Variants in DLGAP1 observed in about 807,000 individuals in gnomAD.
DLGAP1 encodes DLG associated protein 1.
DLGAP1 carries 11 observed loss-of-function variants against 90.8 expected under a neutral mutation model. That is an observed-to-expected ratio of 0.12 (90% CI 0.08 to 0.20). DLGAP1 has a LOEUF of 0.20. Among genes scored for constraint, DLGAP1 ranks in the 10% least tolerant of loss-of-function variants. DLGAP1 has a pLI of 1.00. For synonymous variants in DLGAP1, 558 were observed against 540.7 expected (o/e 1.03, Z -0.44); for missense variants, 1,050 against 1,333.8 (o/e 0.79, Z 3.31).
chr18:4,305,085 G>A (rs1306398091), intron 1 of DLGAP1, among the ~76,000 whole-genome samples: 1 of 151,976 alleles, frequency 6.6e-6, no homozygotes, highest in African/African-American at 2.4e-5. Flanking sequence ...CAATATTTTT[G>A]TTCCTATCAT....
intron 8 of DLGAP1, chr18:3,571,432 C>G (rs1208150309): frequency 6.6e-6 from 1 of 152,004 alleles, no homozygotes; most frequent in Non-Finnish European, 1.5e-5. Flanking sequence ...CACTACAGCC[C>G]AAGACTCCTG....
chr18:3,980,849 A>G (rs1032765680), intron 3 of DLGAP1, among the ~76,000 whole-genome samples: 1 of 152,224 alleles, frequency 6.6e-6, no homozygotes, highest in African/African-American at 2.4e-5. Flanking sequence ...GCTAATTAAC[A>G]TATCTATTAC....
intron 1 of DLGAP1, among the ~76,000 whole-genome samples, chr18:4,443,805 G>A (rs1336389113): frequency 3.3e-5 from 5 of 152,168 alleles, no homozygotes; most frequent in African/African-American, 1.2e-4. Flanking sequence ...ATGAGAAAAA[G>A]CTTTCTGTCT....
intron 7 of DLGAP1, among the ~76,000 whole-genome samples, chr18:3,676,704 T>C (rs2060316155): frequency 6.7e-6 from 1 of 148,494 alleles, no homozygotes; most frequent in South Asian, 2.1e-4. Context: ...TTTTTTTTTT[T>C]AGAAGAAATT....
intron 3 of DLGAP1, chr18:3,977,827 C>T (rs1332398521): frequency 2.6e-6 from 1 of 389,992 alleles, no homozygotes. Flanking sequence ...CTCAGTGTAG[C>T]CCAGGATGCC....
chr18:3,912,389 A>G (rs558842852), intron 3 of DLGAP1, among the ~76,000 whole-genome samples: 1 of 152,210 alleles, frequency 6.6e-6, no homozygotes, highest in East Asian at 1.9e-4. Context: ...CTGACCTAAT[A>G]TGAGGCCTAG....
At chr18:3,529,583 G>A (rs1043915734) in intron 10 of DLGAP1, among the ~76,000 whole-genome samples, 1 of 152,120 alleles carries the variant, frequency 6.6e-6, no homozygotes, top group African/African-American at 2.4e-5. Flanking sequence ...CCTGTTATGC[G>A]TCAGAGGGTC....
chr18:3,791,500 T>A (rs967310905), intron 5 of DLGAP1, among the ~76,000 whole-genome samples: 2 of 149,506 alleles, frequency 1.3e-5, no homozygotes, highest in Non-Finnish European at 3.0e-5. Context: ...TGAAGGAAGG[T>A]GATGTGCACA....
At chr18:4,111,216 G>C (rs1241087095) in intron 2 of DLGAP1, among the ~76,000 whole-genome samples, 1 of 152,086 alleles carries the variant, frequency 6.6e-6, no homozygotes, top group Non-Finnish European at 1.5e-5. Flanking sequence ...TACATTATTT[G>C]AGTTTTGAAT....
chr18:4,169,972 C>T (rs116389274), intron 1 of DLGAP1, among the ~76,000 whole-genome samples: 2 of 152,162 alleles, frequency 1.3e-5, no homozygotes, highest in African/African-American at 4.8e-5. Flanking sequence ...CTCTACATTA[C>T]ACTCAGCTCT....
chr18:3,713,483 A>G (rs1302048396), intron 7 of DLGAP1, among the ~76,000 whole-genome samples: 1 of 152,236 alleles, frequency 6.6e-6, no homozygotes, highest in Non-Finnish European at 1.5e-5. Flanking sequence ...GGAAATGAGT[A>G]AATGTTACAG....
chr18:4,371,869 G>A (rs2081923938), intron 1 of DLGAP1, among the ~76,000 whole-genome samples: 1 of 152,176 alleles, frequency 6.6e-6, no homozygotes, highest in South Asian at 2.1e-4. Flanking sequence ...ACATCAAGGT[G>A]TTGCTGTTTC....
At chr18:3,877,688 G>A (rs1485274050) in intron 4 of DLGAP1, among the ~76,000 whole-genome samples, 1 of 152,126 alleles carries the variant, frequency 6.6e-6, no homozygotes, top group Non-Finnish European at 1.5e-5. Context: ...TAAGAGACTG[G>A]GTTCTAGTCC....
chr18:4,003,437 G>GCT lies in DLGAP1; in HGVS notation c.-73+1678_-73+1679insAG, dbSNP rs1386534249. ...TCTTTTTCAGGTGCTTAATATCATT[G>GCT]TTTTTTTTTTTTTTTTTGGAAGTTA... On this transcript the variant is annotated intron_variant, in intron 3 of 12. Transcript: ENST00000315677. 1.5e-4 allele frequency among the ~76,000 whole-genome samples: 20 copies of GCT among 130,372 alleles called. 1 individual carries two copies. The South Asian group carries it at 4.5e-3, about 29-fold the overall frequency. 85.5% of individuals were successfully genotyped at this position (130,372 alleles called of 152,430 possible).
intron 3 of DLGAP1, among the ~76,000 whole-genome samples, chr18:3,897,904 C>T (rs1298079260): frequency 6.7e-6 from 1 of 150,172 alleles, no homozygotes; most frequent in Non-Finnish European, 1.5e-5. Flanking sequence ...ACGCCATTCT[C>T]CTGCCTCAGC....
At chr18:3,845,609 T>C (rs2068962190) in intron 4 of DLGAP1, 1 of 985,314 alleles carries the variant, frequency 1.0e-6, no homozygotes, top group African/African-American at 1.7e-5. Context: ...ATTGCTATCT[T>C]TCATTATCTC....
At chr18:4,002,924 C>T (rs538877303) in intron 3 of DLGAP1, among the ~76,000 whole-genome samples, 6 of 152,298 alleles carry the variant, frequency 3.9e-5, no homozygotes, top group South Asian at 2.1e-4. Context: ...AAAGTCTCTG[C>T]GTGTCTCTTT....
chr18:4,303,370 C>T (rs2080173428), intron 1 of DLGAP1, among the ~76,000 whole-genome samples: 1 of 152,050 alleles, frequency 6.6e-6, no homozygotes, highest in African/African-American at 2.4e-5. Flanking sequence ...CACCTCTGTT[C>T]ATGAGGGCAG....
chr18:3,549,672 C>T (rs1482047178), intron 9 of DLGAP1, among the ~76,000 whole-genome samples: 1 of 152,000 alleles, frequency 6.6e-6, no homozygotes, highest in African/African-American at 2.4e-5. Context: ...TCCGGTCTGT[C>T]CCTGTATTTT....
Sources: gnomAD v4.1 joint callset for allele counts (sites outside exome capture counted in the v4.1 genomes callset) on GRCh38, gnomAD v4.1.1 for gene constraint, MANE v1.5 for transcripts, NCBI Gene and HGNC (gene_info 2026-07-23, HGNC 2026-07-21) for gene names.